The following CNOT2 variants were observed in gnomAD, a reference collection of about 807,000 sequenced individuals.
CNOT2 encodes CC chemokine receptor 4-negative regulator of transcription 2.
CNOT2 carries 7 observed loss-of-function variants against 72.1 expected under a neutral mutation model. The observed-to-expected ratio is 0.10, with a 90% CI of 0.06 to 0.18. The LOEUF is 0.18. Ranked by LOEUF, CNOT2 falls within the 10% of genes least tolerant of loss-of-function variation. The pLI is 1.00. For synonymous variants in CNOT2, 196 were observed against 225.6 expected (o/e 0.87, Z 1.17); for missense variants, 345 against 660.3 (o/e 0.52, Z 5.23).
chr12:70,331,571 C>T (rs1372523132), intron 6 of CNOT2: 2 of 151,778 alleles, frequency 1.3e-5, no homozygotes, highest in African/African-American at 4.8e-5. Flanking sequence ...TAAAACCCTG[C>T]TTATTTCTAC....
At chr12:70,250,839 A>G (rs1958109454) in intron 1 of CNOT2, among the ~76,000 whole-genome samples, 1 of 152,130 alleles carries the variant, frequency 6.6e-6, no homozygotes, top group South Asian at 2.1e-4. Context: ...TAAGCTCTAA[A>G]GGGGAGAAGA....
intron 1 of CNOT2, among the ~76,000 whole-genome samples, chr12:70,273,045 A>G (rs1868297572): frequency 6.6e-6 from 1 of 151,860 alleles, no homozygotes. Context: ...CTCTCTCTCC[A>G]TCTTGTATCA....
chr12:70,305,305 C>G (rs758857589), intron 2 of CNOT2, among the ~76,000 whole-genome samples: 2 of 152,218 alleles, frequency 1.3e-5, no homozygotes, highest in Non-Finnish European at 2.9e-5. Context: ...ATTCGGCCAT[C>G]TTGGCTCCAC....
intron 4 of CNOT2, chr12:70,324,166 T>C (rs899693685): frequency 1.3e-5 from 2 of 151,870 alleles, no homozygotes; most frequent in African/African-American, 4.8e-5. Flanking sequence ...AAGCCATTTG[T>C]ACATAGTAGA....
At chr12:70,268,598 T>G (rs137872107) in intron 1 of CNOT2, among the ~76,000 whole-genome samples, 4 of 152,006 alleles carry the variant, frequency 2.6e-5, no homozygotes, top group African/African-American at 9.6e-5. Context: ...AGGGTGCGTG[T>G]GCCATCACGC....
At chr12:70,254,424 G>C (rs915334540) in intron 1 of CNOT2, among the ~76,000 whole-genome samples, 1 of 151,972 alleles carries the variant, frequency 6.6e-6, no homozygotes, top group Non-Finnish European at 1.5e-5. Context: ...GGGATGGAGC[G>C]GGATGTCAGA....
At position 70,293,794 on chromosome 12, in the gene CNOT2, G is replaced by A. The variant is rs7980257; in HGVS notation, c.48+15520G>A. On this transcript the variant is annotated intron_variant, in intron 2 of 15. Coordinates refer to ENST00000229195, the MANE Select transcript of CNOT2 (RefSeq NM_014515.7). ...TGAGTACTCAAGAGAGCAAGAGAGTGTACAAGGAGTGGATAGGCACAAAGT... is the reference window on the plus strand; with the variant it reads ...TGAGTACTCAAGAGAGCAAGAGAGTATACAAGGAGTGGATAGGCACAAAGT... 4.3e-3 allele frequency among the ~76,000 whole-genome samples: 652 copies of A among 151,836 alleles called. 1 individual carries two copies. The highest frequency in any genetic ancestry group is 0.015 in the African/African-American group (622 of 41,394).
At position 70,338,562 on chromosome 12, in the gene CNOT2, T is replaced by C. The variant is rs1484773807; in HGVS notation, c.1020T>C (p.Asp340=). The C allele has an allele frequency of 1.3e-5, 21 of 1,607,792 alleles. No individual in the cohort carries two copies. The highest frequency in any genetic ancestry group is 1.6e-5 in the Non-Finnish European group (19 of 1,178,240). Residue 340 remains aspartate, a splice_region_variant and synonymous_variant, in exon 10 of 16, where the codon GAT becomes GAC. Coordinates refer to ENST00000229195, the MANE Select transcript of CNOT2 (RefSeq NM_014515.7). The stretch of plus-strand genomic sequence containing the variant: ...AAAAAGGGATCCAGGTGTTACCTGA[T>C]GGTGGGACTCTAGAAATCTATGTCA... The part of the protein sequence containing the change: ...QQKKGIQVLP[D]GRVTNIPQGM...
intron 2 of CNOT2, among the ~76,000 whole-genome samples, chr12:70,305,169 C>T (rs983937392): frequency 6.6e-6 from 1 of 152,186 alleles, no homozygotes; most frequent in Non-Finnish European, 1.5e-5. Context: ...GTGCGCCGCA[C>T]CCACTGTCCC....
chr12:70,298,970 G>A (rs918146555), intron 2 of CNOT2, among the ~76,000 whole-genome samples: 1 of 152,182 alleles, frequency 6.6e-6, no homozygotes, highest in African/African-American at 2.4e-5. Flanking sequence ...ATAAAGACCT[G>A]TTTGGAGGCT....
chr12:70,319,178 C>G, intron 3 of CNOT2, 120 bp from the exon 4 acceptor site: 1 of 749,592 alleles, frequency 1.3e-6, no homozygotes, highest in Non-Finnish European at 2.1e-6. Flanking sequence ...TTATGTTTTT[C>G]TGAAGAATGA....
chr12:70,306,475 T>C (rs1272420597), intron 2 of CNOT2, among the ~76,000 whole-genome samples: 1 of 152,190 alleles, frequency 6.6e-6, no homozygotes, highest in Non-Finnish European at 1.5e-5. Flanking sequence ...CTTTTTAGAA[T>C]ATGCTGCTTA....
chr12:70,352,719 T>C (rs1309116343), intron 15 of CNOT2, among the ~76,000 whole-genome samples: 1 of 152,246 alleles, frequency 6.6e-6, no homozygotes, highest in Non-Finnish European at 1.5e-5. Context: ...TTAGAGCCTC[T>C]TGCTTATTGG....
At chr12:70,313,025 G>T (rs1876734233) in intron 3 of CNOT2, among the ~76,000 whole-genome samples, 1 of 151,878 alleles carries the variant, frequency 6.6e-6, no homozygotes, top group African/African-American at 2.4e-5. Flanking sequence ...GTTTGTACCA[G>T]TTTTTACTGT....
intron 1 of CNOT2, among the ~76,000 whole-genome samples, chr12:70,275,208 A>G (rs1416983124): frequency 2.0e-5 from 3 of 151,908 alleles, no homozygotes; most frequent in Non-Finnish European, 4.4e-5. Flanking sequence ...TCTGATTTGC[A>G]TTGTTTCTGA....
chr12:70,302,011 G>A (rs1006068499), intron 2 of CNOT2: 2 of 152,136 alleles, frequency 1.3e-5, no homozygotes, highest in Non-Finnish European at 2.9e-5. Context: ...TTGTGTAGAG[G>A]TGTTTATAGT....
chr12:70,258,170 C>T (rs1447154989), intron 1 of CNOT2, among the ~76,000 whole-genome samples: 1 of 151,978 alleles, frequency 6.6e-6, no homozygotes, highest in Non-Finnish European at 1.5e-5. Context: ...TAGTCCTGTC[C>T]GTGGTCCCCT....
chr12:70,266,791 A>G (rs923700018), intron 1 of CNOT2, among the ~76,000 whole-genome samples: 1 of 151,428 alleles, frequency 6.6e-6, no homozygotes, highest in African/African-American at 2.4e-5. Flanking sequence ...TACTTTTTGC[A>G]TGGTATATCT....
intron 14 of CNOT2, chr12:70,345,943 T>C (rs901873541): frequency 5.7e-6 from 2 of 353,954 alleles, no homozygotes; most frequent in East Asian, 5.0e-5. Context: ...AAAGTTTCTT[T>C]AGTTAAATAA....
Sources: gnomAD v4.1 joint callset for allele counts (sites outside exome capture counted in the v4.1 genomes callset) on GRCh38, gnomAD v4.1.1 for gene constraint, MANE v1.5 for transcripts, NCBI Gene and HGNC (gene_info 2026-07-23, HGNC 2026-07-21) for gene names.